BRD2: variants seen among roughly 807,000 people sequenced by gnomAD.
The protein encoded by BRD2 is bromodomain-containing protein 2.
In BRD2, 15 loss-of-function variants were observed where a neutral mutation model predicts 79.1. The observed-to-expected ratio is 0.19, with a 90% CI of 0.13 to 0.29. BRD2 has a LOEUF of 0.29. BRD2 is among the 10% of genes least tolerant of loss of function. BRD2 has a pLI of 1.00. For synonymous variants in BRD2, 488 were observed against 358.6 expected, an observed-to-expected ratio of 1.36 and a Z score of -4.08; for missense variants, 1,053 against 991.3, an observed-to-expected ratio of 1.06 and a Z score of -0.84.
rs756721721 is a variant in BRD2 at position 32,977,854 on chromosome 6, C to T, written c.1427C>T (p.Ser476Leu). Residue 476 changes from serine (S) to leucine (L), a missense_variant, in exon 9 of 13, where the codon TCG becomes TTG. By Grantham distance (145) the Ser-to-Leu change is moderately radical. Coordinates refer to ENST00000374825, the MANE Select transcript of BRD2 (RefSeq NM_005104.4). The part of the protein sequence containing the change: ...STAMPPGLAK[S>L]SSESSSEESS... ...GCCATGCCCCCTGGCTTGGCCAAAT[C>T]GTCTTCAGAGTCCTCCAGTGAGGAA... is the stretch of plus-strand genomic sequence containing the variant. 7 of 1,612,962 alleles carry T rather than the reference C, an allele frequency of 4.3e-6. No individual in the cohort carries two copies. The highest frequency in any genetic ancestry group is 5.9e-6 in the Non-Finnish European group (7 of 1,180,030).
intron 3 of BRD2, 87 bp from the exon 4 acceptor site, chr6:32,975,285 GGTGTGTGTGTGT>G (rs61324180): frequency 1.4e-5 from 10 of 692,092 alleles, no homozygotes; most frequent in Non-Finnish European, 2.3e-5. Context: ...GCATAGGGGG[GGTGTGTGTGTGT>G]GTGTGTGTGT....
At chr6:32,974,820 A>G (rs556320004) in intron 3 of BRD2, 55 bp downstream of exon 3, 3 of 1,580,206 alleles carry the variant, frequency 1.9e-6, no homozygotes, top group Admixed American at 3.4e-5. Context: ...ATGCGTGTGA[A>G]TGGGGGTGGT....
At chr6:32,978,710 GCT>G in intron 10 of BRD2, 1 of 397,780 alleles carries the variant, frequency 2.5e-6, no homozygotes. Context: ...AGAATCTAAT[GCT>G]TCTGCTGATG....
rs1165279054 is a variant in BRD2 at position 32,972,771 on chromosome 6, T to C, written c.-128T>C. ...TCGTGCCGGCCAGGCAGGGGGTTTG[T>C]CGCCTGGAGGCCCAAGAGGAACGGC... On this transcript the variant is annotated 5_prime_UTR_variant, in exon 2 of 13. Coordinates refer to ENST00000374825, the MANE Select transcript of BRD2 (RefSeq NM_005104.4). 5.6e-6 allele frequency: 8 copies of C among 1,424,450 alleles called. No individual in the cohort carries two copies. The Admixed American group carries it at 1.4e-4, about 24-fold the overall frequency. 88.2% of individuals were successfully genotyped at this position (1,424,450 alleles called of 1,614,324 possible). A position where few individuals can be genotyped will look rare whatever the true frequency, so the allele number is the denominator to read the frequency against.
intron 4 of BRD2, 31 bp downstream of exon 4, chr6:32,975,552 T>C (rs1162019423): frequency 6.2e-7 from 1 of 1,608,212 alleles, no homozygotes; most frequent in Non-Finnish European, 8.5e-7. Flanking sequence ...ATTTAGTAGG[T>C]GGGGAGAAAC....
intron 7 of BRD2, 35 bp from the exon 8 acceptor site, chr6:32,977,403 TCCTG>T: frequency 7.4e-6 from 12 of 1,613,410 alleles, no homozygotes; most frequent in Non-Finnish European, 1.0e-5. Context: ...AGGTGAGTCT[TCCTG>T]CCTGTGCAGC....
chr6:32,974,936 C>T lies in BRD2; in HGVS notation c.333+171C>T, dbSNP rs1238429288. On this transcript the variant is annotated intron_variant, in intron 3 of 12. Transcript: ENST00000374825. ...TCTTGGTCCTTTGTGATTGATCCGA[C>T]CGCTTGCTGTAACTATCTTGGCATC... The T allele has an allele frequency of 2.8e-6, 4 of 1,405,700 alleles. No homozygotes were observed. In the South Asian group the frequency reaches 5.0e-5, roughly 18 times the overall value. 87.1% of individuals were successfully genotyped at this position (1,405,700 alleles called of 1,614,324 possible).
At chr6:32,969,344 G>A (rs771138070) in intron 1 of BRD2, 18 of 716,580 alleles carry the variant, frequency 2.5e-5, no homozygotes, top group African/African-American at 1.6e-4. Flanking sequence ...TACAGCAGCC[G>A]GGAGCCAGGT....
chr6:32,978,140 T>C lies in BRD2; in HGVS notation c.1593T>C (p.His531=). 6.2e-7 allele frequency: 1 copy of C among 1,612,124 alleles called. No individual in the cohort carries two copies. Among genetic ancestry groups the C allele is most frequent in the Non-Finnish European group, 8.5e-7 (1 of 1,179,816 alleles). Residue 531 remains histidine (H), a synonymous_variant, in exon 10 of 13, where the codon CAT becomes CAC. Coordinates refer to ENST00000374825, the MANE Select transcript of BRD2 (RefSeq NM_005104.4). ...TTTTCCTTTAGCTTCGGGCAGTACA[T>C]GAACAACTGGCTGCTCTGTCCCAGG... ...AELQEQLRAV[H]EQLAALSQGP...
intron 7 of BRD2, 95 bp from the exon 8 acceptor site, chr6:32,977,347 C>A (rs375262390): frequency 9.9e-6 from 16 of 1,608,984 alleles, no homozygotes; most frequent in African/African-American, 8.0e-5. Context: ...CCCCACTGTG[C>A]TCTCAAGAGA....
chr6:32,975,080 C>A, intron 3 of BRD2: 1 of 1,514,304 alleles, frequency 6.6e-7, no homozygotes, highest in Non-Finnish European at 8.8e-7. Flanking sequence ...TCTTCCTTTC[C>A]CTCATGCAGC....
At chr6:32,971,334 G>T in intron 1 of BRD2, 1 of 360,942 alleles carries the variant, frequency 2.8e-6, no homozygotes. Context: ...GATTAGAAAG[G>T]TGCTTGGACG....
chr6:32,970,001 T>C (rs1319858494), intron 1 of BRD2, among the ~76,000 whole-genome samples: 1 of 152,156 alleles, frequency 6.6e-6, no homozygotes, highest in African/African-American at 2.4e-5. Context: ...GTGACTCATG[T>C]GGGGGAAGGG....
chr6:32,977,122 G>A, intron 7 of BRD2, 186 bp downstream of exon 7: 2 of 1,222,374 alleles, frequency 1.6e-6, no homozygotes, highest in Non-Finnish European at 1.1e-6. Flanking sequence ...GAAACAGTAG[G>A]GTGGGGTTTC....
At chr6:32,980,553 C>T (rs199522765) in intron 12 of BRD2, 29 bp from the exon 13 acceptor site, 16 of 1,612,658 alleles carry the variant, frequency 9.9e-6, no homozygotes, top group East Asian at 2.2e-5. Context: ...CAGACTTGAA[C>T]GTCTTTAACT....
intron 3 of BRD2, 161 bp downstream of exon 3, chr6:32,974,926 A>G: frequency 7.1e-7 from 1 of 1,403,600 alleles, no homozygotes; most frequent in African/African-American, 1.4e-5. Context: ...GTCCTTTGTG[A>G]TTGATCCGAC....
At position 32,981,397 on chromosome 6, in the gene BRD2, C is replaced by G. The variant is rs1225454960; in HGVS notation, c.*679C>G. On this transcript the variant is annotated 3_prime_UTR_variant, in exon 13 of 13. Coordinates refer to ENST00000374825, the MANE Select transcript of BRD2 (RefSeq NM_005104.4). ...CTTGATAATTTTGAGGGAAATATTA[C>G]TGCAGTGAGAAAAGGCAATAGCTAA... 6.6e-6 allele frequency: 1 copy of G among 152,166 alleles called. No homozygotes were observed. Among genetic ancestry groups the G allele is most frequent in the Non-Finnish European group, 1.5e-5 (1 of 68,030 alleles). The allele number at this position is 152,166 out of a possible 1,614,324, so 9.4% of individuals were successfully genotyped here.
Position 32,971,846 on chromosome 6 carries a change from G to C in BRD2, c.-1053G>C, listed in dbSNP as rs1778020735. 1 of 690,982 alleles carries C rather than the reference G, an allele frequency of 1.4e-6. No individual in the cohort carries two copies. The highest frequency in any genetic ancestry group is 1.5e-5 in the South Asian group (1 of 66,382). 42.8% of individuals were successfully genotyped at this position (690,982 alleles called of 1,614,324 possible). On this transcript the variant is annotated 5_prime_UTR_variant, in exon 2 of 13. Transcript: ENST00000374825. ...GAGTGCTGGAGGCTCTGGGGCGATG[G>C]CTTCCGCACCTCTTCCAACCACCCT...
rs895083845 is a variant in BRD2 at position 32,981,425 on chromosome 6, T to C, written c.*707T>C. 1.1e-4 allele frequency: 16 copies of C among 152,242 alleles called. No homozygotes were observed. Among genetic ancestry groups the C allele is most frequent in the African/African-American group, 3.9e-4 (16 of 41,460 alleles). 9.4% of individuals were successfully genotyped at this position (152,242 alleles called of 1,614,324 possible). A position where few individuals can be genotyped will look rare whatever the true frequency, so the allele number is the denominator to read the frequency against. On this transcript the variant is annotated 3_prime_UTR_variant, in exon 13 of 13. Coordinates refer to ENST00000374825, the MANE Select transcript of BRD2 (RefSeq NM_005104.4). ...CAGTGAGAAAAGGCAATAGCTAACC[T>C]ATAATTGGATTGTCTTAATTTTTAA...
Sources: allele counts gnomAD v4.1 joint callset (sites outside exome capture counted in the v4.1 genomes callset), GRCh38; gene constraint gnomAD v4.1.1; transcripts MANE v1.5; gene names NCBI Gene and HGNC (gene_info 2026-07-23, HGNC 2026-07-21).